Variants in NIN observed in about 807,000 individuals in gnomAD.
NIN encodes the protein glycogen synthase kinase 3 beta-interacting protein.
In NIN, 137 loss-of-function variants were observed where a neutral mutation model predicts 257.6. The ratio of observed to expected loss-of-function variants is 0.53; its 90% CI spans 0.46 to 0.61. NIN has a LOEUF of 0.61. Ranked by LOEUF, NIN falls within the 20% of genes least tolerant of loss-of-function variation. The probability of loss-of-function intolerance (pLI) is 0.00; values close to 1 mark genes in which losing one functional copy is unlikely to be tolerated. For missense variants in NIN, 2,439 were observed against 2,501.2 expected, an observed-to-expected ratio of 0.98 and a Z score of 0.53; for synonymous variants, 918 against 919.8, an observed-to-expected ratio of 1.00 and a Z score of 0.04.
intron 3 of NIN, among the ~76,000 whole-genome samples, chr14:50,821,489 G>A (rs182091287): frequency 2.0e-5 from 3 of 152,266 alleles, no homozygotes; most frequent in African/African-American, 7.2e-5. Context: ...GCTTCACTGG[G>A]AGTAAAAGTC....
intron 29 of NIN, among the ~76,000 whole-genome samples, chr14:50,729,182 T>C (rs2040563015): frequency 6.6e-6 from 1 of 152,078 alleles, no homozygotes. Flanking sequence ...AGCTCAAAAG[T>C]AGCACCGCAG....
intron 4 of NIN, among the ~76,000 whole-genome samples, chr14:50,795,802 G>A (rs903018987): frequency 3.3e-5 from 5 of 152,034 alleles, no homozygotes; most frequent in South Asian, 2.1e-4. Context: ...CCAATATGGC[G>A]AAACCTGGAC....
intron 4 of NIN, chr14:50,806,446 A>G (rs1416343870): frequency 4.1e-6 from 1 of 241,246 alleles, no homozygotes; most frequent in Non-Finnish European, 7.9e-6. Context: ...CAAGGATGAA[A>G]GCAGTTACCA....
In NIN at chr14:50,765,080, A is replaced by T. The variant is rs866625961; in HGVS notation, c.1636-1116T>A. Among the ~76,000 whole-genome samples the T allele has an allele frequency of 4.6e-3, 696 of 150,026 alleles. 8 individuals carry two copies. Among genetic ancestry groups the T allele is most frequent in the African/African-American group, 0.016 (665 of 41,140 alleles). On this transcript the variant is annotated intron_variant, in intron 14 of 30. Coordinates refer to ENST00000530997, the MANE Select transcript of NIN (RefSeq NM_020921.4). ...TCTCTACTTAAAAAAAAAAAAAAAA[A>T]AAAAAAAAAAAATTAGGCGTTTGGC... is the stretch of plus-strand genomic sequence containing the variant.
At chr14:50,751,036 CT>C in intron 21 of NIN, among the ~76,000 whole-genome samples, 1 of 152,164 alleles carries the variant, frequency 6.6e-6, no homozygotes, top group East Asian at 1.9e-4. Context: ...TTGCACTTTT[CT>C]TTTTTCACTT....
In NIN at chr14:50,760,050, C is replaced by T; in HGVS notation, c.2206G>A (p.Ala736Thr). 6.2e-7 allele frequency: 1 copy of T among 1,614,202 alleles called. No individual in the cohort carries two copies. The highest frequency in any genetic ancestry group is 8.5e-7 in the Non-Finnish European group (1 of 1,180,036). Residue 736 changes from alanine to threonine, a missense_variant, in exon 17 of 31, where the codon GCA becomes ACA. Around this residue, in one of 3 missense-constraint regions of NIN, gnomAD observed 2,043 missense variants for 2,050.2 expected, o/e 1.00. Transcript: ENST00000530997. Reference protein sequence around the residue: ...ELKARLTQAQASFEREREGLQ... With the variant: ...ELKARLTQAQTSFEREREGLQ... ...CCTTCCCTCTCCCGCTCAAAGCTTGCTTGAGCCTGTGTCAGTCTAGCCTTG... is the reference window on the plus strand; with the variant it reads ...CCTTCCCTCTCCCGCTCAAAGCTTGTTTGAGCCTGTGTCAGTCTAGCCTTG...
intron 5 of NIN, among the ~76,000 whole-genome samples, chr14:50,787,959 A>G (rs2043415839): frequency 6.6e-6 from 1 of 152,168 alleles, no homozygotes. Flanking sequence ...AAAGTGTCTG[A>G]TAGAAGCATG....
intron 5 of NIN, 105 bp from the exon 6 acceptor site, chr14:50,778,909 A>C: frequency 8.5e-7 from 1 of 1,175,788 alleles, no homozygotes; most frequent in Non-Finnish European, 1.3e-6. Flanking sequence ...ATCATCATCT[A>C]AGTGAGTCAC....
intron 9 of NIN, 73 bp from the exon 10 acceptor site, chr14:50,771,541 G>C: frequency 6.6e-7 from 1 of 1,524,728 alleles, no homozygotes; most frequent in Non-Finnish European, 9.0e-7. Flanking sequence ...AAAATGTGAA[G>C]GCTATACAAA....
Position 50,738,143 on chromosome 14 carries a change from C to T in NIN, c.5772G>A (p.Arg1924=), listed in dbSNP as rs1278711871. The change falls in exon 27 of 31, where the codon AGG becomes AGA. Residue 1924 remains arginine (R), a synonymous_variant. Transcript: ENST00000530997. ...QFQKEQSPAN[R]KVSQMNSLEQ... ...CCATATATTCTCAAAAACTCACCTTCCTGTTAGCAGGAGATTGTTCTTTCT... is the reference window on the plus strand; with the variant it reads ...CCATATATTCTCAAAAACTCACCTTTCTGTTAGCAGGAGATTGTTCTTTCT... 1 of 1,613,944 alleles carries T rather than the reference C, an allele frequency of 6.2e-7. No individual in the cohort carries two copies. Among genetic ancestry groups the T allele is most frequent in the Admixed American group, 1.7e-5 (1 of 59,984 alleles).
Position 50,757,373 on chromosome 14 carries a change from T to C in NIN, c.3657A>G (p.Glu1219=). ...MLCADCDRAS[E]KKQDLLFDVS... is the part of the protein sequence containing the mutation. Reference sequence around the variant, plus strand: ...CATCAAAAAGTAGGTCCTGTTTCTTTTCAGAAGCTCGATCACAGTCCGCAC... The same window carrying C: ...CATCAAAAAGTAGGTCCTGTTTCTTCTCAGAAGCTCGATCACAGTCCGCAC... The change falls in exon 18 of 31, where the codon GAA becomes GAG. Residue 1219 remains glutamate, a synonymous_variant. Coordinates refer to ENST00000530997, the MANE Select transcript of NIN (RefSeq NM_020921.4). 1 of 1,613,996 alleles carries C rather than the reference T, an allele frequency of 6.2e-7. No homozygotes were observed. Among genetic ancestry groups the C allele is most frequent in the Non-Finnish European group, 8.5e-7 (1 of 1,180,004 alleles).
Position 50,723,554 on chromosome 14 carries a change from T to C in NIN, c.6311A>G (p.Tyr2104Cys), listed in dbSNP as rs760691524. The change falls in exon 31 of 31, where the codon TAC (tyrosine) becomes TGC (cysteine). Residue 2104 changes from tyrosine (Y) to cysteine (C), a missense_variant. By Grantham distance (194) the Tyr-to-Cys change is radical. Transcript: ENST00000530997. ...QRQKTAEKKN[Y>C]LLEEKIASLS... ...GCTGGCAATCTTCTCCTCCAGGAGGTAATTTTTCTTCTCTGCTGTTTTCTG... is the reference window on the plus strand; with the variant it reads ...GCTGGCAATCTTCTCCTCCAGGAGGCAATTTTTCTTCTCTGCTGTTTTCTG... The C allele has an allele frequency of 9.9e-6, 16 of 1,613,778 alleles. No individual in the cohort carries two copies. In the South Asian group the frequency reaches 1.6e-4, roughly 17 times the overall value.
intron 4 of NIN, among the ~76,000 whole-genome samples, chr14:50,804,979 G>C (rs758745979): frequency 6.6e-6 from 1 of 152,166 alleles, no homozygotes; most frequent in African/African-American, 2.4e-5. Context: ...TCTGTGCGGG[G>C]ACCCTTCACA....
rs1595828621 is a variant in NIN at position 50,770,335 on chromosome 14, C to T, written c.1434+53G>A. ...TGCCCACTTCCAAAGCTGTAGTTTT[C>T]CACGTGGTGTTCCCGGCAGGGACGC... On this transcript the variant is annotated intron_variant, in intron 12 of 30. Coordinates refer to ENST00000530997, the MANE Select transcript of NIN (RefSeq NM_020921.4). 3 of 1,555,630 alleles carry T rather than the reference C, an allele frequency of 1.9e-6. No individual in the cohort carries two copies. The East Asian group carries it at 6.8e-5, about 35-fold the overall frequency.
At chr14:50,746,652 G>T (rs2041555586) in intron 22 of NIN, among the ~76,000 whole-genome samples, 2 of 152,192 alleles carry the variant, frequency 1.3e-5, no homozygotes, top group African/African-American at 4.8e-5. Flanking sequence ...ACAATCTGAT[G>T]CTGAAGTAAA....
intron 5 of NIN, among the ~76,000 whole-genome samples, chr14:50,786,633 T>C (rs936891201): frequency 2.0e-5 from 3 of 150,328 alleles, no homozygotes; most frequent in Non-Finnish European, 4.4e-5. Flanking sequence ...TGGAATTCCA[T>C]TAAAAAAAAA....
chr14:50,799,020 T>A (rs963002090), intron 4 of NIN, among the ~76,000 whole-genome samples: 3 of 152,222 alleles, frequency 2.0e-5, no homozygotes, highest in Non-Finnish European at 2.9e-5. Flanking sequence ...TCGTGACCCA[T>A]CTGCCTCGGC....
chr14:50,793,834 C>T (rs910238050), intron 4 of NIN, among the ~76,000 whole-genome samples: 3 of 152,002 alleles, frequency 2.0e-5, no homozygotes, highest in Non-Finnish European at 2.9e-5. Context: ...AATGTTATCT[C>T]AGCTATAGAT....
intron 29 of NIN, chr14:50,727,609 C>T: frequency 7.0e-7 from 1 of 1,429,012 alleles, no homozygotes; most frequent in Non-Finnish European, 9.4e-7. Context: ...GCTTATGTCT[C>T]TGTGTGTGGT....
Sources: allele counts gnomAD v4.1 joint callset (sites outside exome capture counted in the v4.1 genomes callset), GRCh38; gene constraint gnomAD v4.1.1; regional missense constraint gnomAD v4.1.1; transcripts MANE v1.5; gene names NCBI Gene and HGNC (gene_info 2026-07-23, HGNC 2026-07-21).